Variants in PRKCI observed in about 807,000 individuals in gnomAD.
The protein encoded by PRKCI is protein kinase C iota.
In PRKCI, 43 loss-of-function variants were observed where a neutral mutation model predicts 84.0. That is an observed-to-expected ratio of 0.51 (90% confidence interval 0.40 to 0.66). The LOEUF (loss-of-function observed/expected upper bound fraction) is 0.66. Among genes scored for constraint, PRKCI ranks in the 30% least tolerant of loss-of-function variants. The pLI is 0.00. For synonymous variants in PRKCI, 216 were observed against 234.4 expected, an observed-to-expected ratio of 0.92 and a Z score of 0.72; for missense variants, 459 against 745.6, an observed-to-expected ratio of 0.62 and a Z score of 4.48.
rs745782136 is a variant in PRKCI at position 170,281,211 on chromosome 3, T to G, written c.928T>G (p.Ser310Ala). 1 of 1,613,748 alleles carries G rather than the reference T, an allele frequency of 6.2e-7. No homozygotes were observed. The highest frequency in any genetic ancestry group is 1.1e-5 in the South Asian group (1 of 91,056). Residue 310 changes from serine to alanine, a missense_variant, in exon 10 of 18, where the codon TCC (serine) becomes GCC (alanine). Transcript: ENST00000295797. ...AGAGAAGCATGTGTTTGAGCAGGCA[T>G]CCAATCATCCTTTCCTTGTTGGGCT... ...QTEKHVFEQA[S>A]NHPFLVGLHS... is the part of the protein sequence containing the mutation.
At chr3:170,225,086 T>C (rs941748759) in intron 1 of PRKCI, among the ~76,000 whole-genome samples, 1 of 152,220 alleles carries the variant, frequency 6.6e-6, no homozygotes, top group Admixed American at 6.5e-5. Context: ...GCTTCTTTAG[T>C]GTTTGACTGC....
chr3:170,305,881 T>G lies in PRKCI; in HGVS notation c.*2754T>G, dbSNP rs1386943985. ...CTTAAATCTGTTTTTATTTTTGTCA[T>G]GTAGAATACTACTGTGGTCATCATA... On this transcript the variant is annotated 3_prime_UTR_variant, in exon 18 of 18. Transcript: ENST00000295797. 1 of 152,166 alleles carries G rather than the reference T, an allele frequency of 6.6e-6. No individual in the cohort carries two copies. Among genetic ancestry groups the G allele is most frequent in the Non-Finnish European group, 1.5e-5 (1 of 68,012 alleles). 9.4% of individuals were successfully genotyped at this position (152,166 alleles called of 1,614,324 possible).
intron 17 of PRKCI, among the ~76,000 whole-genome samples, chr3:170,300,248 T>G (rs1734789170): frequency 6.6e-6 from 1 of 152,232 alleles, no homozygotes; most frequent in Non-Finnish European, 1.5e-5. Context: ...CAAGGACTGA[T>G]AACCTCTCTG....
chr3:170,298,337 C>G (rs1326596399), intron 16 of PRKCI, among the ~76,000 whole-genome samples: 1 of 151,890 alleles, frequency 6.6e-6, no homozygotes, highest in African/African-American at 2.4e-5. Flanking sequence ...TTAAGAGATC[C>G]TCCTGTGTAA....
intron 2 of PRKCI, among the ~76,000 whole-genome samples, chr3:170,252,860 C>A (rs780698389): frequency 5.3e-5 from 8 of 152,044 alleles, no homozygotes; most frequent in Non-Finnish European, 1.2e-4. Flanking sequence ...TAGTTTTGTA[C>A]CCACTCTCCA....
At chr3:170,281,425 G>T in intron 10 of PRKCI, 162 bp downstream of exon 10, 1 of 599,032 alleles carries the variant, frequency 1.7e-6, no homozygotes, top group Non-Finnish European at 2.9e-6. Context: ...AGTGATATCA[G>T]TTTGATATTA....
chr3:170,245,937 T>A (rs1733264590), intron 2 of PRKCI, among the ~76,000 whole-genome samples: 1 of 147,550 alleles, frequency 6.8e-6, no homozygotes, highest in Non-Finnish European at 1.5e-5. Context: ...TTTCCCTGGA[T>A]GTTATGTCTT....
chr3:170,248,467 AG>A (rs1490798553), intron 2 of PRKCI, among the ~76,000 whole-genome samples: 1 of 152,200 alleles, frequency 6.6e-6, no homozygotes, highest in Non-Finnish European at 1.5e-5. Context: ...TTCCTGCTCT[AG>A]GATGTGAATT....
intron 8 of PRKCI, among the ~76,000 whole-genome samples, chr3:170,279,700 ACGCCTC>A (rs1462147722): frequency 1.3e-5 from 2 of 152,134 alleles, no homozygotes; most frequent in Non-Finnish European, 2.9e-5. Context: ...GCATCCAAAA[ACGCCTC>A]TGAATGTGTG....
intron 2 of PRKCI, among the ~76,000 whole-genome samples, chr3:170,244,295 G>A (rs1336530112): frequency 6.6e-6 from 1 of 152,158 alleles, no homozygotes; most frequent in South Asian, 2.1e-4. Flanking sequence ...TTTCTGAGGA[G>A]GGCAGAGGGG....
rs777422498 is a variant in PRKCI at position 170,270,453 on chromosome 3, A to T, written c.483A>T (p.Ile161=). Residue 161 remains isoleucine, a synonymous_variant, in exon 6 of 18, where the codon ATA becomes ATT. Coordinates refer to ENST00000295797, the MANE Select transcript of PRKCI (RefSeq NM_002740.6). The part of the protein sequence containing the change: ...RAHCAICTDR[I]WGLGRQGYKC... ...ACTGTGCCATCTGCACAGACCGAAT[A>T]TGGGGACTTGGACGCCAAGGATATA... 3.1e-6 allele frequency: 5 copies of T among 1,613,504 alleles called. No homozygotes were observed. In the African/African-American group the frequency reaches 6.7e-5, roughly 22 times the overall value.
intron 13 of PRKCI, 31 bp from the exon 14 acceptor site, chr3:170,293,352 T>G (rs1409066744): frequency 1.3e-6 from 2 of 1,586,922 alleles, no homozygotes; most frequent in East Asian, 2.2e-5. Context: ...GCAAAGTGTA[T>G]AATTTATTGC....
At chr3:170,249,257 T>C (rs954494289) in intron 2 of PRKCI, among the ~76,000 whole-genome samples, 2 of 151,952 alleles carry the variant, frequency 1.3e-5, no homozygotes, top group Non-Finnish European at 2.9e-5. Context: ...GGTTCAATCT[T>C]TTTTTTTGCT....
At chr3:170,300,041 T>G (rs1169143901) in intron 17 of PRKCI, among the ~76,000 whole-genome samples, 3 of 152,246 alleles carry the variant, frequency 2.0e-5, no homozygotes, top group Non-Finnish European at 1.5e-5. Context: ...GATATTTTGA[T>G]TATTTACCTG....
At position 170,291,876 on chromosome 3, in the gene PRKCI, C is replaced by G. The variant is rs1193411428; in HGVS notation, c.1226C>G (p.Thr409Arg). The G allele has an allele frequency of 1.2e-6, 2 of 1,606,042 alleles. No homozygotes were observed. Among genetic ancestry groups the G allele is most frequent in the Admixed American group, 3.3e-5 (2 of 59,972 alleles). Reference protein sequence around the residue: ...MCKEGLRPGDTTSTFCGTPNY... With the variant: ...MCKEGLRPGDRTSTFCGTPNY... ...AAGGAAGGATTACGGCCAGGAGATA[C>G]AACCAGCACTTTCTGTGGTACTCCT... Residue 409 changes from threonine (T) to arginine (R), a missense_variant, in exon 13 of 18, where the codon ACA becomes AGA. This residue lies in a region of PRKCI where 209 missense variants were observed against 425.9 expected (regional missense o/e 0.49). Transcript: ENST00000295797.
intron 8 of PRKCI, among the ~76,000 whole-genome samples, chr3:170,277,635 A>C (rs906392863): frequency 4.0e-5 from 6 of 151,560 alleles, no homozygotes; most frequent in Admixed American, 1.3e-4. Context: ...CGGAGCTTGC[A>C]GTGAGCAGAG....
chr3:170,225,461 T>C (rs1310009809), intron 1 of PRKCI, among the ~76,000 whole-genome samples: 1 of 152,206 alleles, frequency 6.6e-6, no homozygotes, highest in African/African-American at 2.4e-5. Context: ...CCTTCCTTTA[T>C]ACCAAGAAAT....
intron 6 of PRKCI, 45 bp from the exon 7 acceptor site, chr3:170,273,241 T>C (rs748391980): frequency 6.7e-6 from 10 of 1,494,466 alleles, no homozygotes; most frequent in Non-Finnish European, 6.5e-6. Flanking sequence ...TCTGGTGTAA[T>C]AGAGGTACTC....
intron 2 of PRKCI, among the ~76,000 whole-genome samples, chr3:170,253,632 A>G (rs542020179): frequency 6.6e-6 from 1 of 151,980 alleles, no homozygotes; most frequent in East Asian, 1.9e-4. Flanking sequence ...TCTACTAAAA[A>G]TCCAAAAAAT....
Sources: gnomAD v4.1 joint callset for allele counts (sites outside exome capture counted in the v4.1 genomes callset) on GRCh38, gnomAD v4.1.1 for gene constraint, gnomAD v4.1.1 regional missense constraint, MANE v1.5 for transcripts, NCBI Gene and HGNC (gene_info 2026-07-23, HGNC 2026-07-21) for gene names.